Variants in TMEM108 observed in about 807,000 individuals in gnomAD.
TMEM108 encodes transmembrane protein 108.
TMEM108 carries 12 observed loss-of-function variants against 35.1 expected under a neutral mutation model. That is an observed-to-expected ratio of 0.34 (90% CI 0.22 to 0.55). The LOEUF is 0.55. Among genes scored for constraint, TMEM108 ranks in the 20% least tolerant of loss-of-function variants. TMEM108 has a pLI of 0.89. For missense variants in TMEM108, 680 were observed against 753.3 expected (o/e 0.90, Z 1.14); for synonymous variants, 287 against 308.6 (o/e 0.93, Z 0.73).
chr3:133,334,341 G>C (rs1278718051), intron 3 of TMEM108, among the ~76,000 whole-genome samples: 1 of 152,134 alleles, frequency 6.6e-6, no homozygotes, highest in Non-Finnish European at 1.5e-5. Context: ...GACAAAAAAC[G>C]AGACCCAGTA....
chr3:133,057,433 GTGTATATATATATATATATATATA>G (rs1482216257), intron 2 of TMEM108, among the ~76,000 whole-genome samples: 5 of 24,852 alleles, frequency 2.0e-4, no homozygotes, highest in East Asian at 1.1e-3. Flanking sequence ...GTGTGTGTGT[GTGTATATATATATATATATATATA>G]TATATATATA....
chr3:133,350,140 G>A (rs932097214), intron 3 of TMEM108, among the ~76,000 whole-genome samples: 2 of 152,126 alleles, frequency 1.3e-5, no homozygotes, highest in Non-Finnish European at 2.9e-5. Context: ...GATCAGCTTG[G>A]AGGACATTAT....
intron 2 of TMEM108, among the ~76,000 whole-genome samples, chr3:133,108,484 A>C (rs958135486): frequency 2.0e-5 from 3 of 151,270 alleles, no homozygotes; most frequent in Non-Finnish European, 4.4e-5. Context: ...TTTTCTTGTA[A>C]ATTTGTTTGA....
chr3:133,302,964 C>G lies in TMEM108; in HGVS notation c.40+73613C>G, dbSNP rs181337189. Among the ~76,000 whole-genome samples, 2 of 152,256 alleles carry G rather than the reference C, an allele frequency of 1.3e-5. 1 individual carries two copies. Among genetic ancestry groups the G allele is most frequent in the Admixed American group, 1.3e-4 (2 of 15,292 alleles). On this transcript the variant is annotated intron_variant, in intron 3 of 5. Coordinates refer to ENST00000321871, the MANE Select transcript of TMEM108 (RefSeq NM_023943.4). ...GTTAGGTTGCAGATCAAACAGTGGACTCCATTTCCTCTGCTCTGTTTTTAA... is the reference window on the plus strand; with the variant it reads ...GTTAGGTTGCAGATCAAACAGTGGAGTCCATTTCCTCTGCTCTGTTTTTAA...
chr3:133,110,246 A>T (rs529693749), intron 2 of TMEM108, among the ~76,000 whole-genome samples: 5 of 152,086 alleles, frequency 3.3e-5, no homozygotes, highest in South Asian at 4.2e-4. Context: ...AGTGTGGGGG[A>T]GGGGGAGGAA....
At chr3:133,175,501 G>C (rs1464764194) in intron 2 of TMEM108, among the ~76,000 whole-genome samples, 2 of 152,074 alleles carry the variant, frequency 1.3e-5, no homozygotes, top group African/African-American at 4.8e-5. Flanking sequence ...AGCCAGAAGA[G>C]AGTGGGGGCC....
intron 2 of TMEM108, among the ~76,000 whole-genome samples, chr3:133,159,811 T>C (rs758515058): frequency 2.6e-5 from 4 of 152,232 alleles, no homozygotes; most frequent in Non-Finnish European, 5.9e-5. Context: ...TGCTACTCTA[T>C]GCCCATCCTG....
At chr3:133,209,600 T>C (rs919474545) in intron 2 of TMEM108, among the ~76,000 whole-genome samples, 3 of 152,142 alleles carry the variant, frequency 2.0e-5, no homozygotes, top group Non-Finnish European at 4.4e-5. Flanking sequence ...CTTACTGCTG[T>C]GTATACTGCA....
At chr3:133,266,424 A>G (rs375998834) in intron 3 of TMEM108, among the ~76,000 whole-genome samples, 28 of 152,348 alleles carry the variant, frequency 1.8e-4, no homozygotes, top group Non-Finnish European at 3.4e-4. Flanking sequence ...AACATTGTCC[A>G]TAGGTTTTTG....
chr3:133,217,052 G>A (rs1945919695), intron 2 of TMEM108, among the ~76,000 whole-genome samples: 1 of 152,056 alleles, frequency 6.6e-6, no homozygotes, highest in Non-Finnish European at 1.5e-5. Flanking sequence ...GATCAACAGT[G>A]TGCAAGAGTT....
intron 2 of TMEM108, among the ~76,000 whole-genome samples, chr3:133,179,277 A>C (rs1291606606): frequency 1.3e-5 from 2 of 152,164 alleles, no homozygotes; most frequent in Non-Finnish European, 2.9e-5. Context: ...AACTAGAAAT[A>C]CCATGTGACC....
At chr3:133,085,174 T>C (rs1943865695) in intron 2 of TMEM108, among the ~76,000 whole-genome samples, 2 of 152,210 alleles carry the variant, frequency 1.3e-5, no homozygotes, top group Admixed American at 6.5e-5. Flanking sequence ...GAATACAGCC[T>C]GTTCAAAGCA....
chr3:133,290,508 C>T (rs1258152856), intron 3 of TMEM108, among the ~76,000 whole-genome samples: 1 of 151,950 alleles, frequency 6.6e-6, no homozygotes, highest in Non-Finnish European at 1.5e-5. Context: ...GTAATTCCAG[C>T]TACTGGGAAG....
chr3:133,104,594 C>T (rs1039514188), intron 2 of TMEM108, among the ~76,000 whole-genome samples: 1 of 152,108 alleles, frequency 6.6e-6, no homozygotes, highest in Non-Finnish European at 1.5e-5. Flanking sequence ...ATGTAGGGCT[C>T]CTATTGGTCT....
intron 2 of TMEM108, among the ~76,000 whole-genome samples, chr3:133,171,979 G>A (rs1214323783): frequency 6.6e-6 from 1 of 152,144 alleles, no homozygotes; most frequent in East Asian, 1.9e-4. Context: ...GGTGTGAAAA[G>A]TTCCCATGAT....
chr3:133,145,545 T>C (rs1289142984), intron 2 of TMEM108, among the ~76,000 whole-genome samples: 1 of 152,164 alleles, frequency 6.6e-6, no homozygotes, highest in Non-Finnish European at 1.5e-5. Flanking sequence ...AATCTATAAA[T>C]TACTTTGGGC....
At position 133,300,815 on chromosome 3, in the gene TMEM108, T is replaced by C. The variant is rs1387792241; in HGVS notation, c.40+71464T>C. Among the ~76,000 whole-genome samples the C allele has an allele frequency of 2.0e-5, 3 of 151,794 alleles. 1 individual carries two copies. The highest frequency in any genetic ancestry group is 7.3e-5 in the African/African-American group (3 of 41,246). ...GGGGTGGGAGGTATATGAACTCTGG[T>C]TTGGTGGATTTGCACATCAAAGGTG... On this transcript the variant is annotated intron_variant, in intron 3 of 5. Coordinates refer to ENST00000321871, the MANE Select transcript of TMEM108 (RefSeq NM_023943.4).
At chr3:133,275,261 A>C (rs1432654466) in intron 3 of TMEM108, among the ~76,000 whole-genome samples, 2 of 152,188 alleles carry the variant, frequency 1.3e-5, no homozygotes, top group Non-Finnish European at 2.9e-5. Context: ...CTAGAAATAT[A>C]ATAGGAATCA....
At chr3:133,391,755 C>T (rs2073238245) in intron 5 of TMEM108, among the ~76,000 whole-genome samples, 1 of 152,174 alleles carries the variant, frequency 6.6e-6, no homozygotes, top group African/African-American at 2.4e-5. Flanking sequence ...CCAACCCATC[C>T]TGCTGCAGGG....
Sources: allele counts gnomAD v4.1 joint callset (sites outside exome capture counted in the v4.1 genomes callset), GRCh38; gene constraint gnomAD v4.1.1; transcripts MANE v1.5; gene names NCBI Gene and HGNC (gene_info 2026-07-23, HGNC 2026-07-21).